Variants in GDA observed in about 807,000 individuals in gnomAD.
GDA encodes the protein cytoplasmic PSD-95 interactor.
In GDA, 18 loss-of-function variants were observed where a neutral mutation model predicts 59.6. The ratio of observed to expected loss-of-function variants is 0.30; its 90% CI spans 0.21 to 0.45. GDA has a LOEUF of 0.45. Ranked by LOEUF, GDA falls within the 20% of genes least tolerant of loss-of-function variation. The pLI is 1.00. For synonymous variants in GDA, 201 were observed against 201.1 expected (o/e 1.00, Z 0.00); for missense variants, 427 against 552.3 (o/e 0.77, Z 2.27).
chr9:72,117,761 C>A (rs994049783), intron 1 of GDA, among the ~76,000 whole-genome samples: 1 of 151,998 alleles, frequency 6.6e-6, no homozygotes, highest in Non-Finnish European at 1.5e-5. Context: ...TCCCAATTGG[C>A]GAGGAGGTAC....
At chr9:72,231,055 G>A in intron 9 of GDA, 59 bp from the exon 10 acceptor site, 1 of 944,854 alleles carries the variant, frequency 1.1e-6, no homozygotes, top group South Asian at 1.3e-5. Context: ...TGTTATTAGT[G>A]TTCATCTTTT....
chr9:72,253,839 TA>T (rs572556975), downstream of GDA, among the ~76,000 whole-genome samples: 5 of 151,858 alleles, frequency 3.3e-5, no homozygotes, highest in South Asian at 2.1e-4. Flanking sequence ...GGATTTAAAT[TA>T]AAAAAAAGAT....
chr9:72,178,181 A>T (rs1374739532), intron 1 of GDA, among the ~76,000 whole-genome samples: 1 of 152,214 alleles, frequency 6.6e-6, no homozygotes, highest in Non-Finnish European at 1.5e-5. Flanking sequence ...ACTGATCATG[A>T]TGCACGTCTG....
At chr9:72,151,587 G>C (rs1478837880) in intron 1 of GDA, among the ~76,000 whole-genome samples, 1 of 151,636 alleles carries the variant, frequency 6.6e-6, no homozygotes, top group African/African-American at 2.4e-5. Context: ...ATTATGATCT[G>C]TAATTTTTTT....
At chr9:72,221,980 T>C (rs1340062385) in intron 6 of GDA, among the ~76,000 whole-genome samples, 1 of 152,232 alleles carries the variant, frequency 6.6e-6, no homozygotes, top group African/African-American at 2.4e-5. Context: ...TTTAGGTTGA[T>C]TCCATGCCTT....
At position 72,175,796 on chromosome 9, in the gene GDA, C is replaced by T. The variant is rs185860870; in HGVS notation, c.124-19704C>T. On this transcript the variant is annotated intron_variant, in intron 1 of 13. Transcript: ENST00000358399. ...TACCTTTGGATAATCATTTATCCTTCAATAATAGGAACTAGTTTTTGGAAA... is the reference window on the plus strand; with the variant it reads ...TACCTTTGGATAATCATTTATCCTTTAATAATAGGAACTAGTTTTTGGAAA... 4.6e-5 allele frequency among the ~76,000 whole-genome samples: 7 copies of T among 152,170 alleles called. No homozygotes were observed. The East Asian group carries it at 1.4e-3, about 29-fold the overall frequency.
In GDA at chr9:72,248,641, A is replaced by T; in HGVS notation, c.*299A>T. On this transcript the variant is annotated 3_prime_UTR_variant, in exon 14 of 14. Coordinates refer to ENST00000358399, the MANE Select transcript of GDA (RefSeq NM_004293.5). ...TGGTGGTGTTCCTACGGTAAGACTT[A>T]AGCAAAGCCTTTTTCATATTTGAAA... is the stretch of plus-strand genomic sequence containing the variant. The T allele has an allele frequency of 1.8e-6, 2 of 1,101,178 alleles. No individual in the cohort carries two copies. The highest frequency in any genetic ancestry group is 2.2e-6 in the Non-Finnish European group (2 of 903,282). 68.2% of individuals were successfully genotyped at this position (1,101,178 alleles called of 1,614,324 possible).
Position 72,251,097 on chromosome 9 carries a change from A to G in GDA, c.*2755A>G, listed in dbSNP as rs1021595243. ...TATTGGAACAGGCTCCCTTCATGCCAAGGGTCTTTCTAAGTTAATACTGTG... is the reference window on the plus strand; with the variant it reads ...TATTGGAACAGGCTCCCTTCATGCCGAGGGTCTTTCTAAGTTAATACTGTG... On this transcript the variant is annotated 3_prime_UTR_variant, in exon 14 of 14. Coordinates refer to ENST00000358399, the MANE Select transcript of GDA (RefSeq NM_004293.5). 2.5e-6 allele frequency: 1 copy of G among 400,268 alleles called. No individual in the cohort carries two copies. Among genetic ancestry groups the G allele is most frequent in the African/African-American group, 2.1e-5 (1 of 48,544 alleles). The allele number at this position is 400,268 out of a possible 1,614,324, so 24.8% of individuals were successfully genotyped here.
rs780438788 is a variant in GDA, at chr9:72,149,536, C to G, written c.-24C>G. 4.5e-5 allele frequency: 73 copies of G among 1,607,018 alleles called. No homozygotes were observed. Among genetic ancestry groups the G allele is most frequent in the Admixed American group, 2.3e-4 (14 of 59,830 alleles). On this transcript the variant is annotated 5_prime_UTR_variant, in exon 1 of 14. Transcript: ENST00000358399. The stretch of plus-strand genomic sequence containing the variant: ...GCGTGCGCCCTCCTCGACCAGCAGA[C>G]CCGCGCTGCGCTCCGCCGCTGACAT...
At chr9:72,120,250 C>T (rs1340956961) in intron 1 of GDA, among the ~76,000 whole-genome samples, 3 of 151,282 alleles carry the variant, frequency 2.0e-5, no homozygotes, top group Non-Finnish European at 4.4e-5. Flanking sequence ...TGTGGTGGCA[C>T]GATCTCGGCT....
chr9:72,207,600 A>G (rs1834874454), intron 3 of GDA, among the ~76,000 whole-genome samples: 1 of 152,200 alleles, frequency 6.6e-6, no homozygotes, highest in Admixed American at 6.5e-5. Context: ...ATTAAATTTG[A>G]TACCTTTGTC....
intron 1 of GDA, among the ~76,000 whole-genome samples, chr9:72,135,207 T>C (rs1304772317): frequency 6.7e-6 from 1 of 149,624 alleles, no homozygotes; most frequent in East Asian, 1.9e-4. Context: ...ATTCTGAACA[T>C]CATGGCCTAC....
In GDA at chr9:72,205,174, A is replaced by G. The variant is rs959704341; in HGVS notation, c.384+2432A>G. On this transcript the variant is annotated intron_variant, in intron 3 of 13. Transcript: ENST00000358399. ...CTATGTTCTTTCTTATGTGTCTGAT[A>G]ATGAATGAGTGTGGGCCCACAAACT... Among the ~76,000 whole-genome samples the G allele has an allele frequency of 2.0e-5, 3 of 151,902 alleles. No individual in the cohort carries two copies. The East Asian group carries it at 5.8e-4, about 29-fold the overall frequency.
upstream of GDA, among the ~76,000 whole-genome samples, chr9:72,148,344 TG>T (rs1237206137): frequency 2.6e-4 from 38 of 146,962 alleles, no homozygotes; most frequent in African/African-American, 9.3e-4. Flanking sequence ...TGTGTGTGTG[TG>T]TGTGTGTATT....
chr9:72,218,509 C>G (rs898288535), intron 5 of GDA, among the ~76,000 whole-genome samples: 35 of 152,098 alleles, frequency 2.3e-4, no homozygotes, highest in African/African-American at 8.2e-4. Flanking sequence ...TGTTCTGAAA[C>G]AAAGGAATGC....
intron 1 of GDA, among the ~76,000 whole-genome samples, chr9:72,178,472 C>CAATGGTGCA (rs1320135259): frequency 7.1e-6 from 1 of 140,948 alleles, no homozygotes. Context: ...GGCTGGAGTG[C>CAATGGTGCA]AATGGTGCAA....
chr9:72,195,997 G>A (rs1422547721), intron 2 of GDA, among the ~76,000 whole-genome samples: 1 of 152,092 alleles, frequency 6.6e-6, no homozygotes, highest in African/African-American at 2.4e-5. Context: ...AAACAAGGTG[G>A]GGAGGGGTAT....
At chr9:72,130,049 C>T (rs188715914) in intron 1 of GDA, among the ~76,000 whole-genome samples, 1 of 152,260 alleles carries the variant, frequency 6.6e-6, no homozygotes, top group Admixed American at 6.5e-5. Flanking sequence ...GCCTCTGTCA[C>T]CTGCCCCCAG....
upstream of GDA, among the ~76,000 whole-genome samples, chr9:72,147,392 G>C (rs1459969701): frequency 6.6e-6 from 1 of 152,146 alleles, no homozygotes; most frequent in Non-Finnish European, 1.5e-5. Context: ...ATTTTTAGTA[G>C]AGATGGGGTT....
Sources: gnomAD v4.1 joint callset for allele counts (sites outside exome capture counted in the v4.1 genomes callset) on GRCh38, gnomAD v4.1.1 for gene constraint, MANE v1.5 for transcripts, NCBI Gene and HGNC (gene_info 2026-07-23, HGNC 2026-07-21) for gene names.